ST18: variants seen among roughly 807,000 people sequenced by gnomAD.
ST18 encodes the protein suppression of tumorigenicity 18 protein.
ST18 carries 50 observed loss-of-function variants against 110.0 expected under a neutral mutation model. The ratio of observed to expected loss-of-function variants is 0.45; its 90% CI spans 0.36 to 0.58. ST18 has a LOEUF of 0.58. Among genes scored for constraint, ST18 ranks in the 20% least tolerant of loss-of-function variants. ST18 has a pLI of 0.00. For missense variants in ST18, 1,306 were observed against 1,280.1 expected, an observed-to-expected ratio of 1.02 and a Z score of -0.31; for synonymous variants, 461 against 452.4, an observed-to-expected ratio of 1.02 and a Z score of -0.24.
intron 2 of ST18, chr8:52,248,338 A>T (rs2094017597): frequency 6.6e-6 from 1 of 152,212 alleles, no homozygotes; most frequent in Non-Finnish European, 1.5e-5. Flanking sequence ...ACTGATACTG[A>T]TATTATGAAC....
At chr8:52,396,700 T>A (rs563862213) in intron 2 of ST18, among the ~76,000 whole-genome samples, 28 of 152,208 alleles carry the variant, frequency 1.8e-4, no homozygotes, top group African/African-American at 6.3e-4. Context: ...TCAGATCTCA[T>A]GAGAATTCAC....
rs890060316 is a variant in ST18 at position 52,172,551 on chromosome 8, G to A, written c.310C>T (p.Leu104Phe). 22 of 1,596,864 alleles carry A rather than the reference G, an allele frequency of 1.4e-5. No individual in the cohort carries two copies. Among genetic ancestry groups the A allele is most frequent in the Non-Finnish European group, 1.3e-5 (15 of 1,173,658 alleles). The change falls in exon 10 of 26, where the codon CTT becomes TTT. Residue 104 changes from leucine (L) to phenylalanine (F), a missense_variant. Leu to Phe is a conservative substitution (Grantham distance 22, BLOSUM62 0). Coordinates refer to ENST00000689386, the MANE Select transcript of ST18 (RefSeq NM_001352837.2). The part of the protein sequence containing the change: ...EIMIKPMDES[L>F]LSTAQENSSR... The stretch of plus-strand genomic sequence containing the variant: ...GAGTTTTCTTGTGCAGTTGAAAGAA[G>A]ACTTTCATCCATAGGTTTTATCATG...
At chr8:52,177,275 CTTTTTG>C (rs1363322782) in intron 9 of ST18, among the ~76,000 whole-genome samples, 1 of 152,204 alleles carries the variant, frequency 6.6e-6, no homozygotes, top group African/African-American at 2.4e-5. Flanking sequence ...CAACCTGTAT[CTTTTTG>C]AAAGACAGCA....
At chr8:52,206,342 C>T (rs527566416) in intron 8 of ST18, 34 of 152,356 alleles carry the variant, frequency 2.2e-4, no homozygotes, top group African/African-American at 7.5e-4. Context: ...CATAAACATA[C>T]AAGAGCATTA....
At chr8:52,381,976 A>AAC (rs1564623497) in intron 2 of ST18, among the ~76,000 whole-genome samples, 2 of 151,492 alleles carry the variant, frequency 1.3e-5, no homozygotes, top group African/African-American at 4.9e-5. Flanking sequence ...TTAAAAAACA[A>AAC]AAAAAAACAA....
At chr8:52,287,903 C>G (rs2095494766) in intron 2 of ST18, among the ~76,000 whole-genome samples, 1 of 152,054 alleles carries the variant, frequency 6.6e-6, no homozygotes, top group Non-Finnish European at 1.5e-5. Context: ...AACAAGAGAC[C>G]CAGGGACCAA....
At chr8:52,212,675 G>A (rs888194066) in intron 7 of ST18, among the ~76,000 whole-genome samples, 1 of 152,114 alleles carries the variant, frequency 6.6e-6, no homozygotes. Context: ...AACTAAAGAA[G>A]TTCATGTTTA....
chr8:52,383,796 T>A (rs1294430539), intron 2 of ST18, among the ~76,000 whole-genome samples: 1 of 151,764 alleles, frequency 6.6e-6, no homozygotes, highest in Non-Finnish European at 1.5e-5. Flanking sequence ...TTGCCCAGGC[T>A]GGAGTGCAGT....
chr8:52,299,273 G>T (rs2095680374), intron 2 of ST18, among the ~76,000 whole-genome samples: 1 of 151,668 alleles, frequency 6.6e-6, no homozygotes, highest in East Asian at 1.9e-4. Context: ...TTTCTCTCTG[G>T]GTAGCATTTT....
At chr8:52,281,906 T>C (rs1012458991) in intron 2 of ST18, among the ~76,000 whole-genome samples, 4 of 152,112 alleles carry the variant, frequency 2.6e-5, no homozygotes, top group Admixed American at 6.5e-5. Context: ...TGGTGGGAGA[T>C]GGGTGAAGGA....
chr8:52,274,282 A>C (rs2095167097), intron 2 of ST18, among the ~76,000 whole-genome samples: 1 of 152,184 alleles, frequency 6.6e-6, no homozygotes, highest in Admixed American at 6.5e-5. Flanking sequence ...TTTAGAAGAA[A>C]ATACATCAAA....
chr8:52,394,618 TCTCTCTCTTTAA>T, intron 2 of ST18, among the ~76,000 whole-genome samples: 1 of 152,188 alleles, frequency 6.6e-6, no homozygotes, highest in African/African-American at 2.4e-5. Context: ...TCCTCAAAGC[TCTCTCTCTTTAA>T]ATGGTGTGGG....
intron 2 of ST18, among the ~76,000 whole-genome samples, chr8:52,276,117 CCTATCA>C (rs2095240792): frequency 1.3e-4 from 1 of 7,448 alleles, no homozygotes; most frequent in Non-Finnish European, 3.2e-4. Context: ...ACACACCGCA[CCTATCA>C]CATACCACAC....
chr8:52,381,108 C>T (rs1834346306), intron 2 of ST18, among the ~76,000 whole-genome samples: 1 of 152,194 alleles, frequency 6.6e-6, no homozygotes, highest in Non-Finnish European at 1.5e-5. Flanking sequence ...TTTCTTCTTG[C>T]TGAAGCCTAA....
intron 22 of ST18, 97 bp downstream of exon 22, chr8:52,131,861 A>C: frequency 8.9e-7 from 1 of 1,126,906 alleles, no homozygotes. Flanking sequence ...GCTACAGTGA[A>C]CAACCTTTAG....
At chr8:52,211,145 T>C (rs953071109) in intron 8 of ST18, among the ~76,000 whole-genome samples, 4 of 152,132 alleles carry the variant, frequency 2.6e-5, no homozygotes, top group Non-Finnish European at 4.4e-5. Context: ...TGCATGTGTT[T>C]CTTCTTTAAA....
chr8:52,172,676 C>CACATACAT, intron 9 of ST18, 93 bp from the exon 10 acceptor site: 1 of 942,332 alleles, frequency 1.1e-6, no homozygotes, highest in African/African-American at 1.7e-5. Context: ...CATATGCATT[C>CACATACAT]ACATACATAG....
chr8:52,314,709 C>T lies in ST18; in HGVS notation c.-464-84632G>A, dbSNP rs79949769. 3.2e-3 allele frequency among the ~76,000 whole-genome samples: 486 copies of T among 152,306 alleles called. 1 individual carries two copies. The highest frequency in any genetic ancestry group is 0.011 in the African/African-American group (471 of 41,570). ...CTCCATCATTCTTCAGGCCCATCTT[C>T]CCCTAGAACCCTCCCTGGCCCCAAC... is the stretch of plus-strand genomic sequence containing the variant. On this transcript the variant is annotated intron_variant, in intron 2 of 25. Transcript: ENST00000689386.
chr8:52,389,176 G>C (rs896104271), intron 2 of ST18, among the ~76,000 whole-genome samples: 2 of 152,126 alleles, frequency 1.3e-5, no homozygotes, highest in Admixed American at 6.5e-5. Context: ...CACAGAGCGC[G>C]AAAGTCGCCT....
Sources: allele counts gnomAD v4.1 joint callset (sites outside exome capture counted in the v4.1 genomes callset), GRCh38; gene constraint gnomAD v4.1.1; transcripts MANE v1.5; gene names NCBI Gene and HGNC (gene_info 2026-07-23, HGNC 2026-07-21).